CMSS1: variants seen among roughly 807,000 people sequenced by gnomAD.
The protein encoded by CMSS1 is protein CMSS1.
CMSS1 carries 33 observed loss-of-function variants against 43.5 expected under a neutral mutation model. That is an observed-to-expected ratio of 0.76 (90% CI 0.57 to 1.01). The LOEUF (loss-of-function observed/expected upper bound fraction) is 1.01. Ranked by LOEUF, CMSS1 falls within the 50% of genes least tolerant of loss-of-function variation. The pLI is 0.00. For synonymous variants in CMSS1, 115 were observed against 117.2 expected (o/e 0.98, Z 0.12); for missense variants, 313 against 326.4 (o/e 0.96, Z 0.32).
intron 1 of CMSS1, among the ~76,000 whole-genome samples, chr3:100,041,787 T>A (rs972222496): frequency 5.3e-5 from 8 of 152,174 alleles, no homozygotes; most frequent in Admixed American, 5.2e-4. Flanking sequence ...AACAGTAAAA[T>A]TCAGGAGAAA....
At chr3:100,038,205 C>T (rs1372692620) in intron 1 of CMSS1, among the ~76,000 whole-genome samples, 1 of 152,108 alleles carries the variant, frequency 6.6e-6, no homozygotes, top group Non-Finnish European at 1.5e-5. Flanking sequence ...ATCCAGCTGC[C>T]CTGGCCTCCC....
intron 1 of CMSS1, among the ~76,000 whole-genome samples, chr3:99,939,366 G>T (rs1028996983): frequency 1.3e-5 from 2 of 152,148 alleles, no homozygotes; most frequent in African/African-American, 4.8e-5. Flanking sequence ...TACTCTTCTT[G>T]CCACAGTGTA....
At chr3:99,985,014 G>A (rs554132255) in intron 1 of CMSS1, among the ~76,000 whole-genome samples, 1 of 152,236 alleles carries the variant, frequency 6.6e-6, no homozygotes, top group South Asian at 2.1e-4. Context: ...ATACTTAAAG[G>A]GGTTGCCGTG....
rs1559707510 is a variant in CMSS1 at position 99,968,428 on chromosome 3, G to GAA, written c.64+150385_64+150386insAA. Among the ~76,000 whole-genome samples the GAA allele has an allele frequency of 9.9e-5, 14 of 141,424 alleles. No homozygotes were observed. In the East Asian group the frequency reaches 2.1e-3, roughly 21 times the overall value. 92.8% of individuals were successfully genotyped at this position (141,424 alleles called of 152,430 possible). The stretch of plus-strand genomic sequence containing the variant: ...GGTCCTGAAAAACTATGTTTTTGGG[G>GAA]GAAAAAAAAAAAAAAGACTGAATGA... On this transcript the variant is annotated intron_variant, in intron 1 of 9. Coordinates refer to ENST00000421999, the MANE Select transcript of CMSS1 (RefSeq NM_032359.4).
chr3:99,848,358 T>C (rs1283434727), intron 1 of CMSS1: 1 of 1,614,180 alleles, frequency 6.2e-7, no homozygotes, highest in Non-Finnish European at 8.5e-7. Context: ...TGCTGGTGAC[T>C]TTATTGGTTG....
chr3:99,892,078 TCTG>T (rs1364051812), intron 1 of CMSS1, among the ~76,000 whole-genome samples: 1 of 152,216 alleles, frequency 6.6e-6, no homozygotes, highest in East Asian at 1.9e-4. Flanking sequence ...TCTAAGAGCT[TCTG>T]CTATGCTTTT....
At chr3:99,944,729 T>G (rs980846896) in intron 1 of CMSS1, among the ~76,000 whole-genome samples, 1 of 152,204 alleles carries the variant, frequency 6.6e-6, no homozygotes, top group Non-Finnish European at 1.5e-5. Context: ...ATTCCTTCTC[T>G]TTAGGAAGAA....
At chr3:99,977,602 C>A (rs990463345) in intron 1 of CMSS1, among the ~76,000 whole-genome samples, 11 of 151,948 alleles carry the variant, frequency 7.2e-5, no homozygotes, top group Admixed American at 7.2e-4. Context: ...ATTTCAACAA[C>A]AAAAAAATTA....
intron 1 of CMSS1, among the ~76,000 whole-genome samples, chr3:100,030,158 A>G (rs1177865388): frequency 6.6e-6 from 1 of 152,178 alleles, no homozygotes; most frequent in African/African-American, 2.4e-5. Context: ...AGTTAACCAT[A>G]GGACTGAAAT....
intron 1 of CMSS1, among the ~76,000 whole-genome samples, chr3:100,103,225 A>G (rs1189309409): frequency 6.6e-6 from 1 of 152,180 alleles, no homozygotes. Flanking sequence ...AAAGAAGCCC[A>G]CTCAGACCAT....
intron 1 of CMSS1, among the ~76,000 whole-genome samples, chr3:99,855,540 G>A (rs1943918941): frequency 1.3e-5 from 2 of 152,238 alleles, no homozygotes; most frequent in Non-Finnish European, 2.9e-5. Context: ...GCTCACAAAG[G>A]TCAAGAAGGA....
At chr3:100,156,299 CTTTTT>C (rs34413816) in intron 2 of CMSS1, among the ~76,000 whole-genome samples, 1 of 73,052 alleles carries the variant, frequency 1.4e-5, no homozygotes, top group Non-Finnish European at 2.6e-5. Flanking sequence ...AATTTTTTTT[CTTTTT>C]TTTTTTTTTT....
rs1354272605 is a variant in CMSS1 at position 99,925,920 on chromosome 3, G to GA, written c.64+107882dup. 4 of 980,370 alleles carry GA rather than the reference G, an allele frequency of 4.1e-6. No individual in the cohort carries two copies. In the Admixed American group the frequency reaches 2.5e-4, roughly 60 times the overall value. The allele number at this position is 980,370 out of a possible 1,614,324, so 60.7% of individuals were successfully genotyped here. On this transcript the variant is annotated intron_variant, in intron 1 of 9. Coordinates refer to ENST00000421999, the MANE Select transcript of CMSS1 (RefSeq NM_032359.4). ...CCCAGCACGGGGTAAGCTGCCACCA[G>GA]AAAAACATGTTGGCAAGAGCTAACT...
At chr3:100,071,567 A>G (rs2065764385) in intron 1 of CMSS1, among the ~76,000 whole-genome samples, 1 of 152,168 alleles carries the variant, frequency 6.6e-6, no homozygotes, top group Non-Finnish European at 1.5e-5. Flanking sequence ...CTTCTGTCCT[A>G]CTGGTTCCAG....
intron 1 of CMSS1, among the ~76,000 whole-genome samples, chr3:100,072,952 TG>T (rs2065787052): frequency 6.6e-6 from 1 of 152,220 alleles, no homozygotes; most frequent in Admixed American, 6.5e-5. Flanking sequence ...GGGAGAATAA[TG>T]ATGATAGCAT....
intron 1 of CMSS1, among the ~76,000 whole-genome samples, chr3:100,064,969 C>T (rs1422331906): frequency 6.6e-6 from 1 of 152,160 alleles, no homozygotes; most frequent in African/African-American, 2.4e-5. Context: ...ATGTTAAACA[C>T]ACACATACAC....
intron 1 of CMSS1, among the ~76,000 whole-genome samples, chr3:100,023,113 T>C (rs1165097295): frequency 6.6e-6 from 1 of 152,198 alleles, no homozygotes; most frequent in Non-Finnish European, 1.5e-5. Context: ...TGCCTGAGAA[T>C]GGAAAGATCA....
intron 1 of CMSS1, among the ~76,000 whole-genome samples, chr3:99,959,431 T>C (rs1441854442): frequency 1.3e-5 from 2 of 152,258 alleles, no homozygotes; most frequent in Non-Finnish European, 2.9e-5. Flanking sequence ...ATTACAGGCG[T>C]GAGCCACCGG....
At chr3:100,051,383 T>C (rs909222122) in intron 1 of CMSS1, 4 of 151,918 alleles carry the variant, frequency 2.6e-5, no homozygotes, top group African/African-American at 9.7e-5. Flanking sequence ...TATTTTAAGT[T>C]TTAGGGTACA....
Sources: allele counts gnomAD v4.1 joint callset (sites outside exome capture counted in the v4.1 genomes callset), GRCh38; gene constraint gnomAD v4.1.1; transcripts MANE v1.5; gene names NCBI Gene and HGNC (gene_info 2026-07-23, HGNC 2026-07-21).